The following TIMP4 variants were observed in gnomAD, a reference collection of about 807,000 sequenced individuals.
The protein encoded by TIMP4 is metalloproteinase inhibitor 4.
Under a neutral mutation model 27.3 loss-of-function variants are expected in TIMP4, and 28 were observed. That is an observed-to-expected ratio of 1.03 (90% CI 0.76 to 1.41). The LOEUF (loss-of-function observed/expected upper bound fraction) is 1.41, where lower values mean the gene tolerates loss of function less well. Among genes scored for constraint, TIMP4 ranks in the 40% most tolerant of loss-of-function variants. The probability of loss-of-function intolerance (pLI) is 0.00; values close to 1 mark genes in which losing one functional copy is unlikely to be tolerated. For synonymous variants in TIMP4, 138 were observed against 115.5 expected (o/e 1.20, Z -1.25); for missense variants, 307 against 285.5 (o/e 1.08, Z -0.54).
chr3:12,158,548 C>T (rs1029805379), intron 1 of TIMP4, 154 bp downstream of exon 1: 25 of 1,133,956 alleles, frequency 2.2e-5, no homozygotes, highest in African/African-American at 2.1e-4. Context: ...GTTGCTATGG[C>T]GCCTGGTCCT....
chr3:12,157,420 C>T lies in TIMP4; in HGVS notation c.202G>A (p.Glu68Lys). ...TTGATTTCATACCGGAGCATTTTTT[C>T]AGTGTCAGCAGGGTCTGCACTGGCC... ...VPASADPADT[E>K]KMLRYEIKQI... The change falls in exon 2 of 5, where the codon GAA (glutamate) becomes AAA (lysine). Residue 68 changes from glutamate to lysine, a missense_variant. Transcript: ENST00000287814. 6.2e-7 allele frequency: 1 copy of T among 1,614,160 alleles called. No homozygotes were observed. The highest frequency in any genetic ancestry group is 8.5e-7 in the Non-Finnish European group (1 of 1,180,010).
In TIMP4 at chr3:12,158,698, T is replaced by C. The variant is rs1243567360; in HGVS notation, c.139+4A>G. ...GCTGTGGACCTCGCGGACCTCGGAC[T>C]CACCAAGTGCCGAGTGGCAGATGTG... On this transcript the variant is annotated splice_donor_region_variant and intron_variant, in intron 1 of 4. Coordinates refer to ENST00000287814, the MANE Select transcript of TIMP4 (RefSeq NM_003256.4). The C allele has an allele frequency of 1.2e-6, 2 of 1,610,208 alleles. No homozygotes were observed. Among genetic ancestry groups the C allele is most frequent in the South Asian group, 2.2e-5 (2 of 91,046 alleles).
chr3:12,157,098 A>C (rs1697480903), intron 2 of TIMP4, among the ~76,000 whole-genome samples, 164 bp from the exon 3 acceptor site: 2 of 126,054 alleles, frequency 1.6e-5, no homozygotes, highest in Non-Finnish European at 3.4e-5. Flanking sequence ...CTCTTAAAAC[A>C]AAACAACAAC....
chr3:12,153,570 C>T lies in TIMP4; in HGVS notation c.620G>A (p.Trp207Ter). The change falls in exon 5 of 5, where the codon TGG (tryptophan) becomes TAG (stop). Residue 207 changes from tryptophan (W) to a stop codon, truncating the protein, a stop_gained. Coordinates refer to ENST00000287814, the MANE Select transcript of TIMP4 (RefSeq NM_003256.4). LOFTEE classifies it high-confidence loss of function. ...CCTGAGAGGCAGGTGGCCCCGGTAC[C>T]AGCTGCAGGTGCCGTCAACATGCTT... ...CMKHVDGTCS[W>*]YRGHLPLRKE... 2 of 1,614,088 alleles carry T rather than the reference C, an allele frequency of 1.2e-6. No individual in the cohort carries two copies. The highest frequency in any genetic ancestry group is 1.7e-6 in the Non-Finnish European group (2 of 1,179,992).
At chr3:12,155,813 G>C (rs1322553880) in intron 3 of TIMP4, among the ~76,000 whole-genome samples, 4 of 152,196 alleles carry the variant, frequency 2.6e-5, no homozygotes, top group East Asian at 3.9e-4. Flanking sequence ...TAGACACACA[G>C]AGGGCAGGTG....
chr3:12,153,344 G>A lies in TIMP4; in HGVS notation c.*171C>T, dbSNP rs963904106. 8.3e-6 allele frequency: 6 copies of A among 724,120 alleles called. No homozygotes were observed. The highest frequency in any genetic ancestry group is 7.9e-5 in the East Asian group (3 of 37,804). 44.9% of individuals were successfully genotyped at this position (724,120 alleles called of 1,614,324 possible). ...GCAGGGGCAACAGGCTGAGGGCAGG[G>A]CAGAAAAGTCATGGCCCCTTCCCTG... On this transcript the variant is annotated 3_prime_UTR_variant, in exon 5 of 5. Transcript: ENST00000287814.
intron 1 of TIMP4, among the ~76,000 whole-genome samples, chr3:12,158,285 G>A (rs1415029503): frequency 3.3e-5 from 5 of 152,206 alleles, no homozygotes; most frequent in Non-Finnish European, 7.3e-5. Context: ...CAGAACGTGT[G>A]TGTTGCCATA....
At chr3:12,157,621 G>A in intron 1 of TIMP4, 139 bp from the exon 2 acceptor site, 1 of 726,214 alleles carries the variant, frequency 1.4e-6, no homozygotes, top group Non-Finnish European at 2.3e-6. Flanking sequence ...GCAACGTGAT[G>A]TGTGAGAAGG....
Position 12,158,737 on chromosome 3 carries a change from G to A in TIMP4, c.104C>T (p.Ala35Val), listed in dbSNP as rs528043373. The A allele has an allele frequency of 3.7e-5, 59 of 1,609,368 alleles. No homozygotes were observed. The Middle Eastern group carries it at 5.0e-4, about 14-fold the overall frequency. ...GTGGCAGATGTGCTGCTGAGGGTGC[G>A]CCGGGGCGCAGCTGCATGCCTCACC... ...GLGEACSCAP[A>V]HPQQHICHSA... is the part of the protein sequence containing the mutation. The change falls in exon 1 of 5, where the codon GCG becomes GTG. Residue 35 changes from alanine to valine, a missense_variant. Coordinates refer to ENST00000287814, the MANE Select transcript of TIMP4 (RefSeq NM_003256.4).
intron 2 of TIMP4, 71 bp from the exon 3 acceptor site, chr3:12,157,005 C>T (rs1697478163): frequency 8.2e-6 from 9 of 1,093,296 alleles, no homozygotes; most frequent in Non-Finnish European, 1.2e-5. Context: ...AGACAAAAAC[C>T]TCTCACTTCT....
chr3:12,156,617 C>T (rs1260398064), intron 3 of TIMP4, among the ~76,000 whole-genome samples: 1 of 152,168 alleles, frequency 6.6e-6, no homozygotes, highest in Non-Finnish European at 1.5e-5. Context: ...GGTCACTGTA[C>T]TAAGAACTCT....
At chr3:12,158,570 C>T in intron 1 of TIMP4, 132 bp downstream of exon 1, 1 of 1,362,274 alleles carries the variant, frequency 7.3e-7, no homozygotes, top group Non-Finnish European at 1.0e-6. Context: ...CTCCACCCAT[C>T]AGCCTCAGCA....
chr3:12,157,306 C>A, intron 2 of TIMP4, 79 bp downstream of exon 2: 2 of 1,387,812 alleles, frequency 1.4e-6, no homozygotes, highest in East Asian at 4.7e-5. Context: ...CACCTGAAAG[C>A]TACCAGCCCT....
rs1338081729 is a variant in TIMP4 at position 12,158,809 on chromosome 3, C to T, written c.32G>A (p.Trp11Ter). The change falls in exon 1 of 5, where the codon TGG becomes TAG. Residue 11 changes from tryptophan (W) to a stop codon, truncating the protein, a stop_gained. Coordinates refer to ENST00000287814, the MANE Select transcript of TIMP4 (RefSeq NM_003256.4). LOFTEE classifies it high-confidence loss of function. MPGSPRPAPS[W>*]VLLLRLLALL... ...CGCCAGCAGCCGCAGCAACAGCACCCAGCTTGGCGCGGGCCGAGGGCTCCC... is the reference window on the plus strand; with the variant it reads ...CGCCAGCAGCCGCAGCAACAGCACCTAGCTTGGCGCGGGCCGAGGGCTCCC... 1.3e-6 allele frequency: 2 copies of T among 1,599,422 alleles called. No individual in the cohort carries two copies. Among genetic ancestry groups the T allele is most frequent in the South Asian group, 2.2e-5 (2 of 90,444 alleles).
rs1697358051 is a variant in TIMP4, at chr3:12,153,309, G to A, written c.*206C>T. The A allele has an allele frequency of 1.6e-6, 1 of 614,488 alleles. No individual in the cohort carries two copies. Among genetic ancestry groups the A allele is most frequent in the East Asian group, 2.8e-5 (1 of 36,018 alleles). 38.1% of individuals were successfully genotyped at this position (614,488 alleles called of 1,614,324 possible). ...AACAGCTACAAGGCTAGACTAATGG[G>A]GTTTGGGAGGCAGGGGCAACAGGCT... On this transcript the variant is annotated 3_prime_UTR_variant, in exon 5 of 5. Transcript: ENST00000287814.
In TIMP4 at chr3:12,158,812, C is replaced by G; in HGVS notation, c.29G>C (p.Ser10Thr). ...CAGCAGCCGCAGCAACAGCACCCAGCTTGGCGCGGGCCGAGGGCTCCCAGG... is the reference window on the plus strand; with the variant it reads ...CAGCAGCCGCAGCAACAGCACCCAGGTTGGCGCGGGCCGAGGGCTCCCAGG... MPGSPRPAP[S>T]WVLLLRLLAL... Residue 10 changes from serine to threonine, a missense_variant, in exon 1 of 5, where the codon AGC (serine) becomes ACC (threonine). Physicochemically the swap from Ser to Thr is moderately conservative, Grantham distance 58. Coordinates refer to ENST00000287814, the MANE Select transcript of TIMP4 (RefSeq NM_003256.4). 1 of 1,598,714 alleles carries G rather than the reference C, an allele frequency of 6.3e-7. No homozygotes were observed. The highest frequency in any genetic ancestry group is 8.5e-7 in the Non-Finnish European group (1 of 1,176,196).
At chr3:12,158,595 A>G in intron 1 of TIMP4, 107 bp downstream of exon 1, 3 of 1,499,364 alleles carry the variant, frequency 2.0e-6, no homozygotes, top group Non-Finnish European at 2.7e-6. Flanking sequence ...ACAACCGGTA[A>G]GAATTTGAGC....
rs1237440174 is a variant in TIMP4, at chr3:12,154,390, C to T, written c.414G>A (p.Glu138=). 4 of 1,614,190 alleles carry T rather than the reference C, an allele frequency of 2.5e-6. No homozygotes were observed. Among genetic ancestry groups the T allele is most frequent in the African/African-American group, 1.3e-5 (1 of 75,046 alleles). The change falls in exon 4 of 5, where the codon GAG becomes GAA. Residue 138 remains glutamate (E), a synonymous_variant. Coordinates refer to ENST00000287814, the MANE Select transcript of TIMP4 (RefSeq NM_003256.4). ...TTTCCCTCTGCACCAAGGACAGGTC[C>T]TCCCAGGGCTCGATGTAGTTGCACA... ...IHLCNYIEPW[E]DLSLVQRESL...
chr3:12,158,198 C>G (rs1241146225), intron 1 of TIMP4, among the ~76,000 whole-genome samples: 1 of 152,152 alleles, frequency 6.6e-6, no homozygotes, highest in Non-Finnish European at 1.5e-5. Context: ...TAAGTTAGCC[C>G]TTGAAGGATG....
Sources: gnomAD v4.1 joint callset for allele counts (sites outside exome capture counted in the v4.1 genomes callset) on GRCh38, gnomAD v4.1.1 for gene constraint, MANE v1.5 for transcripts, NCBI Gene and HGNC (gene_info 2026-07-23, HGNC 2026-07-21) for gene names.